CREB3L2: variants seen among roughly 807,000 people sequenced by gnomAD.
The protein encoded by CREB3L2 is cAMP responsive element binding protein 3 like 2, also known as cyclic AMP-responsive element-binding protein 3-like protein 2.
In CREB3L2, 23 loss-of-function variants were observed where a neutral mutation model predicts 57.2. That is an observed-to-expected ratio of 0.40 (90% confidence interval 0.29 to 0.57). CREB3L2 has a LOEUF of 0.57. CREB3L2 is among the 20% of genes least tolerant of loss of function. The probability of loss-of-function intolerance (pLI) is 0.42; values close to 1 mark genes in which losing one functional copy is unlikely to be tolerated. For synonymous variants in CREB3L2, 268 were observed against 265.1 expected, an observed-to-expected ratio of 1.01 and a Z score of -0.11; for missense variants, 628 against 634.7, an observed-to-expected ratio of 0.99 and a Z score of 0.11.
Position 137,880,620 on chromosome 7 carries a change from A to G in CREB3L2, c.1488-69T>C. On this transcript the variant is annotated intron_variant, in intron 11 of 11. Coordinates refer to ENST00000330387, the MANE Select transcript of CREB3L2 (RefSeq NM_194071.4). The surrounding 1 kb of genome is among the most constrained non-coding windows in gnomAD (Gnocchi z 4.0). ...GTTAGCTACAATTCTCATGCTTTGTAGCGTGATGCAATCATTCAGGGGTTG... is the reference window on the plus strand; with the variant it reads ...GTTAGCTACAATTCTCATGCTTTGTGGCGTGATGCAATCATTCAGGGGTTG... 7.9e-7 allele frequency: 1 copy of G among 1,263,204 alleles called. No individual in the cohort carries two copies. The highest frequency in any genetic ancestry group is 1.2e-6 in the Non-Finnish European group (1 of 866,876). The allele number at this position is 1,263,204 out of a possible 1,614,324, so 78.2% of individuals were successfully genotyped here.
intron 7 of CREB3L2, among the ~76,000 whole-genome samples, chr7:137,902,749 T>C (rs1799789722): frequency 6.6e-6 from 1 of 152,174 alleles, no homozygotes; most frequent in African/African-American, 2.4e-5. Context: ...TATGTAAATA[T>C]GTGTTATCTT....
intron 1 of CREB3L2, among the ~76,000 whole-genome samples, chr7:137,945,971 T>C (rs2117263934): frequency 6.6e-6 from 1 of 152,238 alleles, no homozygotes; most frequent in Non-Finnish European, 1.5e-5. Context: ...CAGCCACAAA[T>C]ACTTAAAATA....
rs866900759 is a variant in CREB3L2 at position 137,876,622 on chromosome 7, C to T, written c.*3854G>A. ...CTCTCTCCTGTAACTGCCCTCCCAG[C>T]GGGGCCTATCCTAGCATGTGTCTAT... On this transcript the variant is annotated 3_prime_UTR_variant, in exon 12 of 12. Coordinates refer to ENST00000330387, the MANE Select transcript of CREB3L2 (RefSeq NM_194071.4). 10 of 232,930 alleles carry T rather than the reference C, an allele frequency of 4.3e-5. No homozygotes were observed. The highest frequency in any genetic ancestry group is 5.9e-5 in the Non-Finnish European group (7 of 117,906). 14.4% of individuals were successfully genotyped at this position (232,930 alleles called of 1,614,324 possible).
chr7:137,920,288 A>G (rs1015492959), intron 2 of CREB3L2, among the ~76,000 whole-genome samples: 4 of 152,320 alleles, frequency 2.6e-5, no homozygotes, highest in Middle Eastern at 6.8e-3. Context: ...TGCAGGATGG[A>G]ACTAATGTTG....
chr7:137,905,174 T>C (rs572692950), intron 6 of CREB3L2, among the ~76,000 whole-genome samples: 69 of 151,654 alleles, frequency 4.5e-4, no homozygotes, highest in African/African-American at 1.4e-3. Context: ...AGGAGACTAC[T>C]GAGTCCAAAT....
intron 1 of CREB3L2, chr7:137,957,731 T>C: frequency 2.3e-6 from 3 of 1,284,372 alleles, no homozygotes; most frequent in Non-Finnish European, 3.0e-6. Context: ...TCACAAGTTT[T>C]CTTCAAAGAA....
rs573279713 is a variant in CREB3L2 at position 137,980,736 on chromosome 7, G to A, written c.102+20868C>T. Among the ~76,000 whole-genome samples the A allele has an allele frequency of 6.6e-6, 1 of 152,312 alleles. No homozygotes were observed. Among genetic ancestry groups the A allele is most frequent in the African/African-American group, 2.4e-5 (1 of 41,560 alleles). ...GGTCCTCAGGATTTCAACTGAGAGG[G>A]AGGAGTTGGGAAAGGCAAACTAGGA... On this transcript the variant is annotated intron_variant, in intron 1 of 11. Transcript: ENST00000330387. This position sits in a 1 kb window ranked among gnomAD's most constrained non-coding sequence, Gnocchi z 4.3.
intron 8 of CREB3L2, among the ~76,000 whole-genome samples, chr7:137,898,989 AGG>A (rs1799683516): frequency 6.9e-6 from 1 of 145,456 alleles, no homozygotes; most frequent in Non-Finnish European, 1.5e-5. Flanking sequence ...GGAAGGAAGG[AGG>A]GAGAAAGGAA....
rs1014756429 is a variant in CREB3L2, at chr7:137,908,565, G to C, written c.584-129C>G. The C allele has an allele frequency of 4.4e-5, 24 of 543,482 alleles. No homozygotes were observed. In the Admixed American group the frequency reaches 1.0e-3, roughly 24 times the overall value. The allele number at this position is 543,482 out of a possible 1,614,324, so 33.7% of individuals were successfully genotyped here. A position where few individuals can be genotyped will look rare whatever the true frequency, so the allele number is the denominator to read the frequency against. On this transcript the variant is annotated intron_variant, in intron 4 of 11. Coordinates refer to ENST00000330387, the MANE Select transcript of CREB3L2 (RefSeq NM_194071.4). Reference sequence around the variant, plus strand: ...CCTGGACAGATCTCCAAGGTGCAGAGCGTGGATATGGGAGTCCTCCTTTTG... The same window carrying C: ...CCTGGACAGATCTCCAAGGTGCAGACCGTGGATATGGGAGTCCTCCTTTTG...
intron 7 of CREB3L2, among the ~76,000 whole-genome samples, chr7:137,903,580 G>A (rs1470099623): frequency 6.6e-6 from 1 of 152,172 alleles, no homozygotes; most frequent in East Asian, 1.9e-4. Flanking sequence ...GAGCATGAAG[G>A]AGTGTGGCCA....
chr7:137,884,001 T>C (rs1042809559), intron 10 of CREB3L2, among the ~76,000 whole-genome samples: 1 of 152,188 alleles, frequency 6.6e-6, no homozygotes, highest in Non-Finnish European at 1.5e-5. Context: ...GAAGGCAGGC[T>C]GATTCTTTTT....
In CREB3L2 at chr7:137,879,438, G is replaced by A. The variant is rs1296673419; in HGVS notation, c.*1038C>T. 1 of 397,454 alleles carries A rather than the reference G, an allele frequency of 2.5e-6. No homozygotes were observed. Among genetic ancestry groups the A allele is most frequent in the Non-Finnish European group, 4.7e-6 (1 of 211,448 alleles). The allele number at this position is 397,454 out of a possible 1,614,324, so 24.6% of individuals were successfully genotyped here. A position where few individuals can be genotyped will look rare whatever the true frequency, so the allele number is the denominator to read the frequency against. ...TTCCCCTTCTCTGTCATGAAAACAG[G>A]ATAGAAAAAGCTTGTGGCCAGGGAG... is the stretch of plus-strand genomic sequence containing the variant. On this transcript the variant is annotated 3_prime_UTR_variant, in exon 12 of 12. Transcript: ENST00000330387.
intron 1 of CREB3L2, among the ~76,000 whole-genome samples, chr7:137,946,592 A>G (rs1794113486): frequency 6.6e-6 from 1 of 151,554 alleles, no homozygotes; most frequent in Admixed American, 6.6e-5. Flanking sequence ...TGACCCATGG[A>G]AAATGTGAGA....
chr7:137,950,882 C>G (rs752717472), intron 1 of CREB3L2, among the ~76,000 whole-genome samples: 3 of 152,180 alleles, frequency 2.0e-5, no homozygotes, highest in Non-Finnish European at 4.4e-5. Flanking sequence ...TTTCATGGTA[C>G]AGCCATGGTA....
At position 137,903,951 on chromosome 7, in the gene CREB3L2, A is replaced by G; in HGVS notation, c.974+8T>C. 1 of 1,612,160 alleles carries G rather than the reference A, an allele frequency of 6.2e-7. No individual in the cohort carries two copies. The highest frequency in any genetic ancestry group is 1.3e-5 in the African/African-American group (1 of 74,998). ...CCGATGAACGCAACAGTTTGCCAGC[A>G]GGCTTACTTTTTCTCCAGGCTGTCC... On this transcript the variant is annotated splice_region_variant and intron_variant, in intron 7 of 11. Transcript: ENST00000330387.
chr7:137,942,473 A>G (rs36086400), intron 1 of CREB3L2, among the ~76,000 whole-genome samples: 13,817 of 152,282 alleles, frequency 0.091, 916 homozygotes, highest in Admixed American at 0.22. Context: ...GGATAGTGGT[A>G]GTGGTTCAGT....
chr7:137,897,409 G>A (rs1241800325), intron 8 of CREB3L2, among the ~76,000 whole-genome samples: 2 of 152,108 alleles, frequency 1.3e-5, no homozygotes. Context: ...TCGCTCTGTC[G>A]CCCAGGCTGG....
intron 8 of CREB3L2, among the ~76,000 whole-genome samples, chr7:137,894,843 T>C (rs1054431144): frequency 1.3e-5 from 2 of 152,152 alleles, no homozygotes; most frequent in African/African-American, 4.8e-5. Context: ...GAGCAAGAGG[T>C]ATAGCAGCAA....
chr7:137,940,097 A>G (rs1053228397), intron 1 of CREB3L2, among the ~76,000 whole-genome samples: 3 of 152,176 alleles, frequency 2.0e-5, no homozygotes, highest in Non-Finnish European at 4.4e-5. Context: ...TGCTCATTAT[A>G]TAAGGAAATT....
Sources: allele counts gnomAD v4.1 joint callset (sites outside exome capture counted in the v4.1 genomes callset), GRCh38; gene constraint gnomAD v4.1.1; non-coding constraint Gnocchi (gnomAD v3.1); transcripts MANE v1.5; gene names NCBI Gene and HGNC (gene_info 2026-07-23, HGNC 2026-07-21).